The following DSE variants were observed in gnomAD, a reference collection of about 807,000 sequenced individuals.
The protein encoded by DSE is dermatan-sulfate epimerase.
Under a neutral mutation model 84.4 loss-of-function variants are expected in DSE, and 36 were observed. The ratio of observed to expected loss-of-function variants is 0.43; its 90% confidence interval spans 0.33 to 0.56. The LOEUF (loss-of-function observed/expected upper bound fraction) is 0.56, where lower values mean the gene tolerates loss of function less well. DSE is among the 20% of genes least tolerant of loss of function. DSE has a pLI of 0.06. For missense variants in DSE, 862 were observed against 1,169.6 expected (o/e 0.74, Z 3.84); for synonymous variants, 410 against 430.1 (o/e 0.95, Z 0.58).
intron 2 of DSE, among the ~76,000 whole-genome samples, chr6:116,310,372 C>CTT (rs560238416): frequency 6.7e-6 from 1 of 148,960 alleles, no homozygotes; most frequent in African/African-American, 2.5e-5. Flanking sequence ...CAAAATAATT[C>CTT]TTTTTTTTTT....
intron 2 of DSE, chr6:116,278,222 A>G (rs1168485426): frequency 2.6e-6 from 1 of 391,670 alleles, no homozygotes; most frequent in Non-Finnish European, 4.9e-6. Context: ...CAAGCAGTGC[A>G]GATAAAGGCA....
In DSE at chr6:116,436,664, C is replaced by G. The variant is rs1458018081; in HGVS notation, c.2196C>G (p.Val732=). Residue 732 remains valine, a synonymous_variant, in exon 6 of 6, where the codon GTC becomes GTG. Coordinates refer to ENST00000644252, the MANE Select transcript of DSE (RefSeq NM_013352.4). ...ATTCAGCCATCAAGAGCAGCATTGTCCCTGAGGTGAAGGACTATGCTGCTA... is the reference window on the plus strand; with the variant it reads ...ATTCAGCCATCAAGAGCAGCATTGTGCCTGAGGTGAAGGACTATGCTGCTA... ...DRNSAIKSSI[V]PEVKDYAAIV... The G allele has an allele frequency of 1.9e-6, 3 of 1,614,136 alleles. No individual in the cohort carries two copies. Among genetic ancestry groups the G allele is most frequent in the Non-Finnish European group, 2.5e-6 (3 of 1,180,016 alleles).
At chr6:116,419,600 T>C (rs572832391) in intron 2 of DSE, among the ~76,000 whole-genome samples, 2 of 152,334 alleles carry the variant, frequency 1.3e-5, no homozygotes, top group South Asian at 4.1e-4. Context: ...ATATGTACAG[T>C]AGACACAGCT....
intron 2 of DSE, among the ~76,000 whole-genome samples, chr6:116,422,411 C>T (rs1274888297): frequency 6.6e-6 from 1 of 152,184 alleles, no homozygotes; most frequent in Non-Finnish European, 1.5e-5. Flanking sequence ...AAGAATATTT[C>T]TGTGCTAACA....
In DSE at chr6:116,431,232, T is replaced by C. The variant is rs1439488548; in HGVS notation, c.910+39T>C. The C allele has an allele frequency of 2.5e-6, 4 of 1,601,876 alleles. No homozygotes were observed. The Admixed American group carries it at 5.1e-5, about 20-fold the overall frequency. ...TCAGAAGTGTGAAAACATTAAACTA[T>C]TGTAATTTTTTCTGATTATGAAAAT... On this transcript the variant is annotated intron_variant, in intron 4 of 5. Transcript: ENST00000644252.
intron 2 of DSE, among the ~76,000 whole-genome samples, chr6:116,270,994 T>C (rs1330227760): frequency 6.6e-6 from 1 of 152,218 alleles, no homozygotes; most frequent in African/African-American, 2.4e-5. Flanking sequence ...TCTAATAATT[T>C]GTTGAGATTG....
chr6:116,265,482 C>T (rs1163958311), intron 2 of DSE, among the ~76,000 whole-genome samples: 2 of 152,006 alleles, frequency 1.3e-5, no homozygotes, highest in East Asian at 3.9e-4. Context: ...CAGAATCTGC[C>T]CATACAGACG....
chr6:116,308,987 G>A (rs965812461), intron 2 of DSE, among the ~76,000 whole-genome samples: 5 of 152,110 alleles, frequency 3.3e-5, no homozygotes, highest in African/African-American at 9.7e-5. Context: ...CTAATAAATA[G>A]TGGCTCTTAT....
chr6:116,395,419 C>T (rs556079172), intron 1 of DSE, among the ~76,000 whole-genome samples: 22 of 147,590 alleles, frequency 1.5e-4, no homozygotes, highest in Non-Finnish European at 3.0e-4. Context: ...AGCGAGACTC[C>T]GTCTAAAAAA....
rs1197240302 is a variant in DSE, at chr6:116,442,215, G to C, written c.*4870G>C. 11 of 152,560 alleles carry C rather than the reference G, an allele frequency of 7.2e-5. No homozygotes were observed. The highest frequency in any genetic ancestry group is 2.6e-4 in the African/African-American group (11 of 41,566). 9.5% of individuals were successfully genotyped at this position (152,560 alleles called of 1,614,324 possible). A position where few individuals can be genotyped will look rare whatever the true frequency, so the allele number is the denominator to read the frequency against. On this transcript the variant is annotated 3_prime_UTR_variant, in exon 6 of 6. Coordinates refer to ENST00000644252, the MANE Select transcript of DSE (RefSeq NM_013352.4). ...GGACTAGGAGGCCAGTGTGGCTAGA[G>C]CAGAGTGGGGGAGGGGAGGGTGATA...
At chr6:116,300,189 A>G (rs961073552) in intron 2 of DSE, among the ~76,000 whole-genome samples, 18 of 152,172 alleles carry the variant, frequency 1.2e-4, no homozygotes, top group Admixed American at 9.2e-4. Context: ...AGAGTTTGCC[A>G]TAGTACTTTA....
chr6:116,376,319 A>T (rs557810683), intron 1 of DSE, among the ~76,000 whole-genome samples: 1 of 152,164 alleles, frequency 6.6e-6, no homozygotes, highest in Admixed American at 6.5e-5. Context: ...ACCTTTACTG[A>T]TTGTGTTCCT....
At chr6:116,267,857 T>TGAGA (rs149576222) in intron 2 of DSE, among the ~76,000 whole-genome samples, 11 of 148,618 alleles carry the variant, frequency 7.4e-5, no homozygotes, top group African/African-American at 2.7e-4. Flanking sequence ...TGACAAAGCT[T>TGAGA]GAGAGAGAGA....
At chr6:116,311,554 T>A (rs538776816) in intron 2 of DSE, among the ~76,000 whole-genome samples, 47 of 152,222 alleles carry the variant, frequency 3.1e-4, no homozygotes, top group South Asian at 1.0e-3. Context: ...TATTAATAAA[T>A]CATGAAGCCT....
At chr6:116,392,040 TGAG>T (rs1780942152) in intron 1 of DSE, among the ~76,000 whole-genome samples, 2 of 152,190 alleles carry the variant, frequency 1.3e-5, no homozygotes, top group South Asian at 4.1e-4. Context: ...AATAGAAAAG[TGAG>T]GAGACCTTTT....
upstream of DSE, chr6:116,370,059 G>A: frequency 2.2e-6 from 2 of 896,264 alleles, no homozygotes; most frequent in South Asian, 1.5e-5. Flanking sequence ...ATCTCCTTGG[G>A]GCCTGGTTGG....
rs1784186908 is a variant in DSE, at chr6:116,436,785, A to G, written c.2317A>G (p.Thr773Ala). The G allele has an allele frequency of 1.2e-6, 2 of 1,614,050 alleles. No homozygotes were observed. Among genetic ancestry groups the G allele is most frequent in the African/African-American group, 1.3e-5 (1 of 74,934 alleles). ...RVRNTASFRK[T>A]AERLLRFSDK... The stretch of plus-strand genomic sequence containing the variant: ...CCGGAACACAGCTAGCTTTAGGAAG[A>G]CTGCTGAACGCCTGCTGAGATTTTC... The change falls in exon 6 of 6, where the codon ACT becomes GCT. Residue 773 changes from threonine to alanine, a missense_variant. By Grantham distance (58) the Thr-to-Ala change is moderately conservative. This residue lies in a region of DSE where 315 missense variants were observed against 348.1 expected (regional missense o/e 0.90). Transcript: ENST00000644252.
chr6:116,364,666 A>C (rs1779066067), intron 2 of DSE, among the ~76,000 whole-genome samples: 1 of 152,078 alleles, frequency 6.6e-6, no homozygotes, highest in South Asian at 2.1e-4. Flanking sequence ...CCCAAACTGC[A>C]TATCCAACAA....
At position 116,279,732 on chromosome 6, in the gene DSE, G is replaced by A. The variant is rs61746509; in HGVS notation, c.-54+20765G>A. On this transcript the variant is annotated intron_variant, in intron 2 of 3. Coordinates refer to the DSE transcript ENST00000430252. The stretch of plus-strand genomic sequence containing the variant: ...CCTCGCTTTGGTCGCGGAGCCTCAG[G>A]TACTGGTGTGCGTCCTGGTCGCTCG... 6.3e-3 allele frequency: 10,143 copies of A among 1,611,712 alleles called. 61 individuals carry two copies. Among genetic ancestry groups the A allele is most frequent in the Middle Eastern group, 0.016 (95 of 6,062 alleles).
Sources: gnomAD v4.1 joint callset for allele counts (sites outside exome capture counted in the v4.1 genomes callset) on GRCh38, gnomAD v4.1.1 for gene constraint, gnomAD v4.1.1 regional missense constraint, MANE v1.5 for transcripts, NCBI Gene and HGNC (gene_info 2026-07-23, HGNC 2026-07-21) for gene names.